Variants in ARHGEF28 observed in about 807,000 individuals in gnomAD.
The protein encoded by ARHGEF28 is 190 kDa guanine nucleotide exchange factor.
Under a neutral mutation model 206.6 loss-of-function variants are expected in ARHGEF28, and 152 were observed. The ratio of observed to expected loss-of-function variants is 0.74; its 90% CI spans 0.64 to 0.84. The LOEUF is 0.84. Among genes scored for constraint, ARHGEF28 ranks in the 40% least tolerant of loss-of-function variants. The pLI, the probability that ARHGEF28 is intolerant of heterozygous loss-of-function variation, is 0.00. For missense variants in ARHGEF28, 2,028 were observed against 2,073.2 expected (o/e 0.98, Z 0.42); for synonymous variants, 763 against 776.4 (o/e 0.98, Z 0.29).
chr5:73,733,091 C>A (rs1750709801), intron 2 of ARHGEF28, among the ~76,000 whole-genome samples: 2 of 152,072 alleles, frequency 1.3e-5, no homozygotes. Context: ...CACCCATCAC[C>A]CAAGCAGTGT....
chr5:73,765,594 C>T (rs952350493), intron 4 of ARHGEF28, among the ~76,000 whole-genome samples: 1 of 152,114 alleles, frequency 6.6e-6, no homozygotes, highest in Non-Finnish European at 1.5e-5. Flanking sequence ...AGATATAATT[C>T]CATCGTAAGT....
intron 4 of ARHGEF28, among the ~76,000 whole-genome samples, chr5:73,762,106 A>G (rs901520658): frequency 4.0e-5 from 6 of 151,266 alleles, no homozygotes; most frequent in Non-Finnish European, 8.8e-5. Context: ...AGCTGGGACT[A>G]CAGGAATGAG....
At position 73,650,740 on chromosome 5, in the gene ARHGEF28, C is replaced by G. The variant is rs929396560; in HGVS notation, c.-12+24418C>G. 7.9e-5 allele frequency among the ~76,000 whole-genome samples: 12 copies of G among 151,192 alleles called. 1 individual carries two copies. The highest frequency in any genetic ancestry group is 4.2e-4 in the South Asian group (2 of 4,772). On this transcript the variant is annotated intron_variant, in intron 1 of 35. Transcript: ENST00000513042. ...CTCGGCTCACTGCAACCTTTGCCTCCCGGGTTCAAGCGATCCTCCCACCTC... is the reference window on the plus strand; with the variant it reads ...CTCGGCTCACTGCAACCTTTGCCTCGCGGGTTCAAGCGATCCTCCCACCTC...
intron 4 of ARHGEF28, among the ~76,000 whole-genome samples, chr5:73,767,993 G>A (rs960871083): frequency 9.2e-5 from 14 of 152,118 alleles, no homozygotes; most frequent in African/African-American, 2.9e-4. Context: ...CACAGAACTC[G>A]GGCCATGGCT....
intron 1 of ARHGEF28, among the ~76,000 whole-genome samples, chr5:73,643,738 C>T (rs1219775938): frequency 6.6e-6 from 1 of 150,906 alleles, no homozygotes; most frequent in Non-Finnish European, 1.5e-5. Flanking sequence ...TCGCTTGCAC[C>T]CAGGAGGCCA....
chr5:73,725,776 C>T (rs1041143139), intron 2 of ARHGEF28, among the ~76,000 whole-genome samples: 8 of 152,034 alleles, frequency 5.3e-5, no homozygotes, highest in Admixed American at 3.9e-4. Flanking sequence ...GGTCTATCTT[C>T]CTGATTTTCT....
chr5:73,744,118 G>A (rs1003841336), intron 2 of ARHGEF28, among the ~76,000 whole-genome samples: 4 of 152,132 alleles, frequency 2.6e-5, no homozygotes, highest in African/African-American at 4.8e-5. Flanking sequence ...GTGGTGTGCT[G>A]TACACATAGA....
At chr5:73,892,876 G>T (rs1025259417) in intron 27 of ARHGEF28, among the ~76,000 whole-genome samples, 1 of 152,104 alleles carries the variant, frequency 6.6e-6, no homozygotes, top group African/African-American at 2.4e-5. Flanking sequence ...CACCCCATCT[G>T]CCCTGGCACC....
rs1418364118 is a variant in ARHGEF28 at position 73,838,863 on chromosome 5, TTG to T, written c.1147-1615_1147-1614del. Among the ~76,000 whole-genome samples the T allele has an allele frequency of 4.0e-5, 6 of 150,424 alleles. No individual in the cohort carries two copies. The South Asian group carries it at 1.1e-3, about 27-fold the overall frequency. ...CCAGACCTTGTTCAATTTTAGCAAG[TTG>T]TCCCAATAATGTTCCCTGTGGCAAA... On this transcript the variant is annotated intron_variant, in intron 10 of 35. Coordinates refer to ENST00000513042, the MANE Select transcript of ARHGEF28 (RefSeq NM_001177693.2).
chr5:73,911,686 C>G, intron 35 of ARHGEF28, 111 bp downstream of exon 35: 1 of 1,147,172 alleles, frequency 8.7e-7, no homozygotes, highest in South Asian at 1.6e-5. Context: ...GGGAATAAAT[C>G]GGTACTGATG....
chr5:73,874,353 G>A (rs534764255), intron 22 of ARHGEF28, among the ~76,000 whole-genome samples: 52 of 151,862 alleles, frequency 3.4e-4, no homozygotes, highest in Non-Finnish European at 6.6e-4. Context: ...ATGAAGTCTA[G>A]TTTATTTTTC....
Position 73,909,682 on chromosome 5 carries a change from G to C in ARHGEF28, c.4432G>C (p.Glu1478Gln). 2 of 1,538,928 alleles carry C rather than the reference G, an allele frequency of 1.3e-6. No homozygotes were observed. Among genetic ancestry groups the C allele is most frequent in the Non-Finnish European group, 1.8e-6 (2 of 1,141,466 alleles). The part of the protein sequence containing the change: ...RESWLQERER[E>Q]CQSQEELLLR... ...GAGCTGGCTGCAGGAGCGGGAGCGG[G>C]AGTGCCAGTCGCAGGAGGAGCTGCT... Residue 1478 changes from glutamate (E) to glutamine (Q), a missense_variant, in exon 34 of 36, where the codon GAG (glutamate) becomes CAG (glutamine). This residue lies in a region of ARHGEF28 where 803 missense variants were observed against 768.0 expected (regional missense o/e 1.05). Coordinates refer to ENST00000513042, the MANE Select transcript of ARHGEF28 (RefSeq NM_001177693.2).
intron 4 of ARHGEF28, among the ~76,000 whole-genome samples, chr5:73,761,738 C>CTG (rs2112423312): frequency 6.6e-6 from 1 of 152,248 alleles, no homozygotes; most frequent in East Asian, 1.9e-4. Context: ...TGTATGTGTA[C>CTG]TGTGAGTGGC....
chr5:73,860,928 C>T (rs1209696970), intron 16 of ARHGEF28, among the ~76,000 whole-genome samples: 2 of 152,162 alleles, frequency 1.3e-5, no homozygotes, highest in African/African-American at 4.8e-5. Flanking sequence ...TGATTTCCTG[C>T]CTCTGCTATT....
chr5:73,648,793 C>G (rs548923161), intron 1 of ARHGEF28, among the ~76,000 whole-genome samples: 1 of 152,142 alleles, frequency 6.6e-6, no homozygotes, highest in African/African-American at 2.4e-5. Flanking sequence ...TCTTCCTCCT[C>G]CTCTTCATTA....
At chr5:73,736,592 G>A (rs1750950666) in intron 2 of ARHGEF28, among the ~76,000 whole-genome samples, 1 of 152,082 alleles carries the variant, frequency 6.6e-6, no homozygotes, top group African/African-American at 2.4e-5. Context: ...ATCCTTATGT[G>A]TTCCTAAGCA....
At chr5:73,837,745 GTT>G (rs565925682) in intron 10 of ARHGEF28, among the ~76,000 whole-genome samples, 3 of 132,628 alleles carry the variant, frequency 2.3e-5, no homozygotes, top group Non-Finnish European at 3.3e-5. Flanking sequence ...CTTTCGTTTT[GTT>G]TTTTTTTTTT....
intron 35 of ARHGEF28, among the ~76,000 whole-genome samples, chr5:73,932,975 A>T (rs1027988298): frequency 6.0e-5 from 9 of 150,756 alleles, no homozygotes; most frequent in Admixed American, 4.6e-4. Flanking sequence ...TGCCCGGCTA[A>T]TTTTTTTTGT....
At chr5:73,897,663 A>G (rs1242825930) in intron 29 of ARHGEF28, among the ~76,000 whole-genome samples, 2 of 152,250 alleles carry the variant, frequency 1.3e-5, no homozygotes, top group African/African-American at 4.8e-5. Context: ...CTGTCGTAAA[A>G]TGATGCTAAA....
Sources: gnomAD v4.1 joint callset for allele counts (sites outside exome capture counted in the v4.1 genomes callset) on GRCh38, gnomAD v4.1.1 for gene constraint, gnomAD v4.1.1 regional missense constraint, MANE v1.5 for transcripts, NCBI Gene and HGNC (gene_info 2026-07-23, HGNC 2026-07-21) for gene names.